Variants in MFN1 observed in about 807,000 individuals in gnomAD.
MFN1 encodes mitofusin 1, also known as mitofusin-1.
Under a neutral mutation model 92.4 loss-of-function variants are expected in MFN1, and 65 were observed. The ratio of observed to expected loss-of-function variants is 0.70; its 90% CI spans 0.58 to 0.86. The LOEUF (loss-of-function observed/expected upper bound fraction) is 0.86, where lower values mean the gene tolerates loss of function less well. MFN1 is among the 40% of genes least tolerant of loss of function. The probability of loss-of-function intolerance (pLI) is 0.00; values close to 1 mark genes in which losing one functional copy is unlikely to be tolerated. For missense variants in MFN1, 781 were observed against 868.0 expected (o/e 0.90, Z 1.26); for synonymous variants, 297 against 300.9 (o/e 0.99, Z 0.13).
chr3:179,378,360 A>G lies in MFN1; in HGVS notation c.1349A>G (p.Glu450Gly), dbSNP rs1412352138. ...IYKSELNKHI[E>G]DGMGRNLADR... The stretch of plus-strand genomic sequence containing the variant: ...TAACAGGAATTAAATAAGCACATAG[A>G]GGATGGTATGGGAAGAAATTTGGCT... Residue 450 changes from glutamate (E) to glycine (G), a missense_variant, in exon 13 of 18, where the codon GAG (glutamate) becomes GGG (glycine). Coordinates refer to ENST00000471841, the MANE Select transcript of MFN1 (RefSeq NM_033540.3). 4.4e-6 allele frequency: 7 copies of G among 1,601,968 alleles called. No individual in the cohort carries two copies. Among genetic ancestry groups the G allele is most frequent in the Non-Finnish European group, 5.9e-6 (7 of 1,176,586 alleles).
Position 179,374,401 on chromosome 3 carries a change from A to T in MFN1, c.976-819A>T, listed in dbSNP as rs189054932. Among the ~76,000 whole-genome samples, 8 of 92,540 alleles carry T rather than the reference A, an allele frequency of 8.6e-5. 2 individuals carry two copies. The highest frequency in any genetic ancestry group is 1.8e-4 in the African/African-American group (3 of 16,560). The allele number at this position is 92,540 out of a possible 152,430, so 60.7% of individuals were successfully genotyped here. On this transcript the variant is annotated intron_variant, in intron 9 of 17. Transcript: ENST00000471841. ...TATAACATATATAACATATATATGT[A>T]ATATATATATATAAGATAACAAGTA...
rs771346067 is a variant in MFN1 at position 179,348,840 on chromosome 3, T to G, written c.-7-5T>G. 1.2e-6 allele frequency: 2 copies of G among 1,609,068 alleles called. No homozygotes were observed. The highest frequency in any genetic ancestry group is 2.2e-5 in the South Asian group (2 of 90,690). ...TGGTGCTTTTCTAACTTTATCTCCCTCTAGTAGCATAATGGCAGAACCTGT... is the reference window on the plus strand; with the variant it reads ...TGGTGCTTTTCTAACTTTATCTCCCGCTAGTAGCATAATGGCAGAACCTGT... On this transcript the variant is annotated splice_polypyrimidine_tract_variant and splice_region_variant and intron_variant, in intron 1 of 17. Transcript: ENST00000471841.
chr3:179,388,728 G>A (rs892207280), intron 16 of MFN1, among the ~76,000 whole-genome samples: 1 of 152,208 alleles, frequency 6.6e-6, no homozygotes, highest in Non-Finnish European at 1.5e-5. Context: ...TAGGGGAGAT[G>A]TGTAGCATAT....
chr3:179,372,634 A>G (rs186477269), intron 9 of MFN1, among the ~76,000 whole-genome samples: 121 of 152,246 alleles, frequency 7.9e-4, no homozygotes, highest in Non-Finnish European at 1.3e-3. Flanking sequence ...TTTCTTCTCT[A>G]TACTTACTCA....
chr3:179,391,913 A>G (rs753446020), intron 17 of MFN1, 68 bp from the exon 18 acceptor site: 3 of 962,624 alleles, frequency 3.1e-6, no homozygotes, highest in Non-Finnish European at 4.9e-6. Flanking sequence ...TCTTTTAATA[A>G]TGGATGGAAT....
In MFN1 at chr3:179,377,358, G is replaced by C. The variant is rs909264213; in HGVS notation, c.1239G>C (p.Met413Ile). ...CATATTTTCAGGTTTCATGTGCAAT[G>C]ACAGATGAAATTTGTCGACTGTCTG... ...EEVANKVSCA[M>I]TDEICRLSVL... is the part of the protein sequence containing the mutation. The change falls in exon 12 of 18, where the codon ATG (methionine) becomes ATC (isoleucine). Residue 413 changes from methionine to isoleucine, a missense_variant. Transcript: ENST00000471841. 2.5e-6 allele frequency: 4 copies of C among 1,607,596 alleles called. No individual in the cohort carries two copies. The African/African-American group carries it at 5.4e-5, about 22-fold the overall frequency.
At chr3:179,382,043 A>G (rs1053829834) in intron 14 of MFN1, among the ~76,000 whole-genome samples, 7 of 149,586 alleles carry the variant, frequency 4.7e-5, no homozygotes, top group Non-Finnish European at 1.0e-4. Flanking sequence ...CACATTTCAA[A>G]TAAACTAGCA....
intron 14 of MFN1, among the ~76,000 whole-genome samples, chr3:179,381,774 G>A (rs1713475776): frequency 6.6e-6 from 1 of 152,182 alleles, no homozygotes; most frequent in African/African-American, 2.4e-5. Context: ...ATGCATATAA[G>A]GTATATGAAG....
chr3:179,362,309 G>C (rs755484389), intron 4 of MFN1, 49 bp from the exon 5 acceptor site: 2 of 1,492,786 alleles, frequency 1.3e-6, no homozygotes, highest in Non-Finnish European at 1.8e-6. Context: ...AATTTTTATT[G>C]AATTTTATTA....
intron 17 of MFN1, among the ~76,000 whole-genome samples, chr3:179,391,227 C>T (rs938666784): frequency 1.3e-5 from 2 of 151,964 alleles, no homozygotes; most frequent in African/African-American, 4.8e-5. Flanking sequence ...AATAGTATTT[C>T]ATTTTGTTAT....
At chr3:179,371,176 A>G (rs908827006) in intron 9 of MFN1, among the ~76,000 whole-genome samples, 1 of 152,214 alleles carries the variant, frequency 6.6e-6, no homozygotes. Context: ...AATTTAAGCA[A>G]GGCTTGAAAA....
At chr3:179,358,066 G>A (rs1712412109) in intron 3 of MFN1, among the ~76,000 whole-genome samples, 1 of 151,662 alleles carries the variant, frequency 6.6e-6, no homozygotes, top group South Asian at 2.1e-4. Flanking sequence ...GGCTCCAAGT[G>A]CATATATTCC....
At position 179,392,309 on chromosome 3, in the gene MFN1, C is replaced by T. The variant is rs1713934405; in HGVS notation, c.*250C>T. 1 of 299,760 alleles carries T rather than the reference C, an allele frequency of 3.3e-6. No individual in the cohort carries two copies. Among genetic ancestry groups the T allele is most frequent in the Non-Finnish European group, 6.1e-6 (1 of 163,704 alleles). The allele number at this position is 299,760 out of a possible 1,614,324, so 18.6% of individuals were successfully genotyped here. ...AATTAGTTACAAGCAACAGTACCAA[C>T]TTATGTGACCCCTGAGGGGTGGGGC... On this transcript the variant is annotated 3_prime_UTR_variant, in exon 18 of 18. Transcript: ENST00000471841.
chr3:179,379,273 C>T (rs913463595), intron 14 of MFN1, among the ~76,000 whole-genome samples: 50 of 152,220 alleles, frequency 3.3e-4, no homozygotes, highest in African/African-American at 1.2e-3. Flanking sequence ...GGGCCAAGAC[C>T]TTTGTGCATT....
rs200479531 is a variant in MFN1 at position 179,350,377 on chromosome 3, G to GA, written c.112+1424dup. 5.4e-4 allele frequency among the ~76,000 whole-genome samples: 79 copies of GA among 146,676 alleles called. 1 individual carries two copies. Among genetic ancestry groups the GA allele is most frequent in the African/African-American group, 1.2e-3 (47 of 40,070 alleles). On this transcript the variant is annotated intron_variant, in intron 2 of 17. Coordinates refer to ENST00000471841, the MANE Select transcript of MFN1 (RefSeq NM_033540.3). ...CTTGACACAATTCAATGCTGAATGA[G>GA]AAAAAAAAAATAGTAGTATAGAATC...
intron 11 of MFN1, 74 bp from the exon 12 acceptor site, chr3:179,377,270 T>C (rs575363022): frequency 6.6e-7 from 1 of 1,524,184 alleles, no homozygotes; most frequent in African/African-American, 1.4e-5. Flanking sequence ...GTTTTCAGAT[T>C]TTTCAATTTA....
chr3:179,385,866 A>T, intron 15 of MFN1, 145 bp downstream of exon 15: 2 of 744,348 alleles, frequency 2.7e-6, no homozygotes, highest in South Asian at 2.1e-5. Context: ...AAAGTAGTGA[A>T]TTAAATATCA....
chr3:179,350,741 G>A (rs955963881), intron 2 of MFN1, among the ~76,000 whole-genome samples: 3 of 152,196 alleles, frequency 2.0e-5, no homozygotes, highest in Admixed American at 2.0e-4. Context: ...TTATTAATGC[G>A]TTAGAAAAGT....
Position 179,386,598 on chromosome 3 carries a change from A to C in MFN1, c.1981A>C (p.Thr661Pro). The C allele has an allele frequency of 6.2e-7, 1 of 1,613,246 alleles. No individual in the cohort carries two copies. Among genetic ancestry groups the C allele is most frequent in the Non-Finnish European group, 8.5e-7 (1 of 1,179,752 alleles). Residue 661 changes from threonine (T) to proline (P), a missense_variant, in exon 16 of 18, where the codon ACG (threonine) becomes CCG (proline). By Grantham distance (38) the Thr-to-Pro change is conservative. Coordinates refer to ENST00000471841, the MANE Select transcript of MFN1 (RefSeq NM_033540.3). The stretch of plus-strand genomic sequence containing the variant: ...AAAACTGAGGATGATTGTTAGCTCC[A>C]CGAGTGCAAACTGCAGTCACCAAGT... ...TEKLRMIVSS[T>P]SANCSHQVKQ...
Sources: gnomAD v4.1 joint callset for allele counts (sites outside exome capture counted in the v4.1 genomes callset) on GRCh38, gnomAD v4.1.1 for gene constraint, MANE v1.5 for transcripts, NCBI Gene and HGNC (gene_info 2026-07-23, HGNC 2026-07-21) for gene names.